The following RNF144A variants were observed in gnomAD, a reference collection of about 807,000 sequenced individuals.
RNF144A encodes the protein ring finger protein 144A, also known as E3 ubiquitin-protein ligase RNF144A.
Under a neutral mutation model 38.7 loss-of-function variants are expected in RNF144A, and 11 were observed. That is an observed-to-expected ratio of 0.28 (90% CI 0.18 to 0.47). The LOEUF (loss-of-function observed/expected upper bound fraction) is 0.47. Ranked by LOEUF, RNF144A falls within the 20% of genes least tolerant of loss-of-function variation. The pLI is 0.99. For missense variants in RNF144A, 316 were observed against 377.2 expected (o/e 0.84, Z 1.34); for synonymous variants, 149 against 143.9 (o/e 1.04, Z -0.25).
chr2:6,992,656 G>GA (rs1029225227), intron 2 of RNF144A, among the ~76,000 whole-genome samples: 6 of 152,326 alleles, frequency 3.9e-5, no homozygotes, highest in Admixed American at 3.9e-4. Flanking sequence ...GGTTTGCTTT[G>GA]AAGGAGTAAA....
intron 6 of RNF144A, among the ~76,000 whole-genome samples, chr2:7,067,106 T>C (rs1181009432): frequency 1.3e-5 from 2 of 152,212 alleles, no homozygotes; most frequent in Admixed American, 1.3e-4. Context: ...AGAAATTATG[T>C]TTCAGAAGAA....
At chr2:7,056,559 C>T (rs1371132070) in intron 6 of RNF144A, among the ~76,000 whole-genome samples, 2 of 152,316 alleles carry the variant, frequency 1.3e-5, no homozygotes, top group East Asian at 3.9e-4. Context: ...GGTATCTTGG[C>T]TCTTAACTCT....
At chr2:7,019,823 T>C (rs929424854) in intron 5 of RNF144A, among the ~76,000 whole-genome samples, 1 of 152,246 alleles carries the variant, frequency 6.6e-6, no homozygotes, top group Admixed American at 6.5e-5. Context: ...ATTGGGCTTC[T>C]TAGAAATGTG....
intron 1 of RNF144A, among the ~76,000 whole-genome samples, chr2:6,932,285 T>G (rs1406450021): frequency 6.6e-6 from 1 of 152,222 alleles, no homozygotes; most frequent in Non-Finnish European, 1.5e-5. Flanking sequence ...ATCCCTTTAT[T>G]TTTAACATGA....
chr2:7,013,923 T>C (rs996962602), intron 3 of RNF144A, among the ~76,000 whole-genome samples: 1 of 152,184 alleles, frequency 6.6e-6, no homozygotes, highest in Non-Finnish European at 1.5e-5. Context: ...TCATGGGCAT[T>C]TTGTCTGAGC....
At chr2:7,000,993 G>A (rs2103397429) in intron 3 of RNF144A, among the ~76,000 whole-genome samples, 1 of 152,110 alleles carries the variant, frequency 6.6e-6, no homozygotes, top group East Asian at 1.9e-4. Flanking sequence ...ACCGTAGAAA[G>A]TTGTAACTTA....
intron 6 of RNF144A, among the ~76,000 whole-genome samples, chr2:7,064,259 G>A (rs1389824909): frequency 6.6e-6 from 1 of 152,080 alleles, no homozygotes; most frequent in Admixed American, 6.6e-5. Flanking sequence ...GATGAGAAAG[G>A]AGAAAACAAG....
rs555249285 is a variant in RNF144A at position 7,049,248 on chromosome 2, G to A, written c.735-18968G>A. On this transcript the variant is annotated intron_variant, in intron 6 of 6. Transcript: ENST00000432850. ...TGAGAAACAGAGATATGAAGGTACC[G>A]CATTTTCAGAAACACTGTATAGTGG... Among the ~76,000 whole-genome samples the A allele has an allele frequency of 8.5e-4, 130 of 152,250 alleles. 1 individual carries two copies. Among genetic ancestry groups the A allele is most frequent in the African/African-American group, 3.1e-3 (129 of 41,542 alleles).
chr2:6,952,743 G>A (rs1197929125), intron 2 of RNF144A, among the ~76,000 whole-genome samples: 3 of 151,830 alleles, frequency 2.0e-5, no homozygotes, highest in Admixed American at 6.6e-5. Flanking sequence ...TTTTAGAGCT[G>A]GAGTCTTACT....
downstream of RNF144A, among the ~76,000 whole-genome samples, chr2:7,069,097 A>G (rs1674353395): frequency 6.6e-6 from 1 of 152,238 alleles, no homozygotes; most frequent in Non-Finnish European, 1.5e-5. Flanking sequence ...GTCAGCCTCC[A>G]AAGCCTGTGA....
intron 6 of RNF144A, among the ~76,000 whole-genome samples, chr2:7,067,992 C>T (rs1422276640): frequency 1.1e-4 from 16 of 152,174 alleles, no homozygotes; most frequent in Non-Finnish European, 1.9e-4. Context: ...ACCCTCACCC[C>T]GATATCTCCT....
At chr2:6,955,569 A>G (rs146398780) in intron 2 of RNF144A, among the ~76,000 whole-genome samples, 1 of 152,336 alleles carries the variant, frequency 6.6e-6, no homozygotes, top group African/African-American at 2.4e-5. Flanking sequence ...AAAGCCAATT[A>G]GGAAGTGTCT....
intron 2 of RNF144A, among the ~76,000 whole-genome samples, chr2:6,978,018 G>A (rs1668414610): frequency 6.6e-6 from 1 of 152,130 alleles, no homozygotes; most frequent in Non-Finnish European, 1.5e-5. Flanking sequence ...TGGGTATGTG[G>A]TCAGCTTGGG....
chr2:7,015,589 G>A (rs1671084067), intron 5 of RNF144A, among the ~76,000 whole-genome samples: 1 of 152,206 alleles, frequency 6.6e-6, no homozygotes, highest in Non-Finnish European at 1.5e-5. Context: ...TCCAGGAGAG[G>A]TCTTTAGCTC....
rs1026552988 is a variant in RNF144A, at chr2:6,941,980, A to G, written c.-12+833A>G. Among the ~76,000 whole-genome samples, 2 of 152,230 alleles carry G rather than the reference A, an allele frequency of 1.3e-5. No individual in the cohort carries two copies. Among genetic ancestry groups the G allele is most frequent in the Non-Finnish European group, 2.9e-5 (2 of 68,048 alleles). On this transcript the variant is annotated intron_variant, in intron 2 of 8. Transcript: ENST00000320892. This position sits in a 1 kb window ranked among gnomAD's most constrained non-coding sequence, Gnocchi z 6.5. ...GGGGGAATTCTAGGTTCATGATGGGATATCAGTGTAGGGTTTTAAGCAGAG... is the reference window on the plus strand; with the variant it reads ...GGGGGAATTCTAGGTTCATGATGGGGTATCAGTGTAGGGTTTTAAGCAGAG...
chr2:7,008,290 G>A (rs1200563047), intron 3 of RNF144A, among the ~76,000 whole-genome samples: 3 of 152,232 alleles, frequency 2.0e-5, no homozygotes, highest in African/African-American at 4.8e-5. Context: ...CCTCGGGAAC[G>A]TCCAGCTTCT....
intron 2 of RNF144A, among the ~76,000 whole-genome samples, chr2:6,964,317 A>AC (rs1667516777): frequency 6.6e-6 from 1 of 152,224 alleles, no homozygotes; most frequent in Non-Finnish European, 1.5e-5. Context: ...AAGTCAGGAA[A>AC]CAACAGGTGC....
chr2:6,933,370 G>A (rs1301578979), intron 1 of RNF144A: 1 of 152,222 alleles, frequency 6.6e-6, no homozygotes, highest in East Asian at 1.9e-4. Context: ...ATTTCTATGT[G>A]GATTTCAGAG....
At position 6,918,000 on chromosome 2, in the gene RNF144A, G is replaced by A. The variant is rs1278370054; in HGVS notation, c.-212+378G>A. The stretch of plus-strand genomic sequence containing the variant: ...CTGCGGCGCGGGACAGGGCGCCCCG[G>A]GCCAGGGTCCCGCGGGCGAGCTGGC... On this transcript the variant is annotated intron_variant, in intron 1 of 8. Coordinates refer to ENST00000320892, the MANE Select transcript of RNF144A (RefSeq NM_014746.6). This position sits in a 1 kb window ranked among gnomAD's most constrained non-coding sequence, Gnocchi z 4.8. Among the ~76,000 whole-genome samples the A allele has an allele frequency of 6.6e-6, 1 of 151,810 alleles. No homozygotes were observed. Among genetic ancestry groups the A allele is most frequent in the Non-Finnish European group, 1.5e-5 (1 of 67,902 alleles).
Sources: gnomAD v4.1 joint callset for allele counts (sites outside exome capture counted in the v4.1 genomes callset) on GRCh38, gnomAD v4.1.1 for gene constraint, Gnocchi (gnomAD v3.1) non-coding constraint, MANE v1.5 for transcripts, NCBI Gene and HGNC (gene_info 2026-07-23, HGNC 2026-07-21) for gene names.